The following CCDC60 variants were observed in gnomAD, a reference collection of about 807,000 sequenced individuals.
CCDC60 encodes the protein coiled-coil domain-containing protein 60.
CCDC60 carries 54 observed loss-of-function variants against 63.5 expected under a neutral mutation model. The ratio of observed to expected loss-of-function variants is 0.85; its 90% confidence interval spans 0.68 to 1.07. The LOEUF (loss-of-function observed/expected upper bound fraction) is 1.07, where lower values mean the gene tolerates loss of function less well. Ranked by LOEUF, CCDC60 falls within the 50% of genes least tolerant of loss-of-function variation. The pLI, the probability that CCDC60 is intolerant of heterozygous loss-of-function variation, is 0.00. For synonymous variants in CCDC60, 206 were observed against 238.8 expected, an observed-to-expected ratio of 0.86 and a Z score of 1.27; for missense variants, 651 against 684.3, an observed-to-expected ratio of 0.95 and a Z score of 0.54.
In CCDC60 at chr12:119,485,399, T is replaced by C. The variant is rs567692888; in HGVS notation, c.450-3360T>C. ...GCGGACGGGGCCTCATGTGTGTCAG[T>C]GGATTAGTTTGCTGGGGCTGCCATA... On this transcript the variant is annotated intron_variant, in intron 4 of 13. Transcript: ENST00000327554. 2.0e-5 allele frequency among the ~76,000 whole-genome samples: 3 copies of C among 152,296 alleles called. No individual in the cohort carries two copies. The East Asian group carries it at 5.8e-4, about 29-fold the overall frequency.
Position 119,461,917 on chromosome 12 carries a change from C to T in CCDC60, c.171-10077C>T, listed in dbSNP as rs182829612. ...TATTAAGCGTTTTTAAATGGGCCTCCGCGGTATCAAGGGAGCACTTCCCAA... is the reference window on the plus strand; with the variant it reads ...TATTAAGCGTTTTTAAATGGGCCTCTGCGGTATCAAGGGAGCACTTCCCAA... On this transcript the variant is annotated intron_variant, in intron 2 of 13. Transcript: ENST00000327554. Among the ~76,000 whole-genome samples, 44 of 152,288 alleles carry T rather than the reference C, an allele frequency of 2.9e-4. No individual in the cohort carries two copies. In the South Asian group the frequency reaches 5.0e-3, roughly 17 times the overall value.
intron 1 of CCDC60, among the ~76,000 whole-genome samples, chr12:119,396,751 T>G (rs1008180170): frequency 6.6e-6 from 1 of 152,164 alleles, no homozygotes; most frequent in African/African-American, 2.4e-5. Flanking sequence ...GTGTCTGGTG[T>G]GTGCCTGTGG....
chr12:119,512,564 G>T (rs1470786890), intron 7 of CCDC60, among the ~76,000 whole-genome samples: 1 of 152,226 alleles, frequency 6.6e-6, no homozygotes, highest in Non-Finnish European at 1.5e-5. Context: ...GCAATGGATG[G>T]AGATGGGAAG....
chr12:119,530,805 G>C (rs1952820004), intron 12 of CCDC60, 69 bp from the exon 13 acceptor site: 1 of 1,338,254 alleles, frequency 7.5e-7, no homozygotes, highest in Non-Finnish European at 1.0e-6. Flanking sequence ...AGAAAGTGGA[G>C]ATGGATGGCC....
At chr12:119,417,498 T>C (rs1313674393) in intron 1 of CCDC60, among the ~76,000 whole-genome samples, 1 of 152,174 alleles carries the variant, frequency 6.6e-6, no homozygotes, top group Non-Finnish European at 1.5e-5. Flanking sequence ...CAGGCAGGCA[T>C]ACAATCCTCC....
At chr12:119,346,832 C>CTTTCTTTCTTTCTTTCTTTCTTTCT (rs1555230529) in intron 1 of CCDC60, among the ~76,000 whole-genome samples, 8 of 91,110 alleles carry the variant, frequency 8.8e-5, no homozygotes, top group South Asian at 3.9e-4. Flanking sequence ...TTCTTTCTTT[C>CTTTCTTTCTTTCTTTCTTTCTTTCT]TTTTTTTTTT....
chr12:119,507,903 C>T (rs1432074339), intron 7 of CCDC60, among the ~76,000 whole-genome samples: 4 of 152,000 alleles, frequency 2.6e-5, no homozygotes, highest in African/African-American at 4.8e-5. Context: ...TACAGTGGCT[C>T]ATGTCTGTCA....
chr12:119,371,301 C>A (rs1592998074), intron 1 of CCDC60, among the ~76,000 whole-genome samples: 1 of 152,140 alleles, frequency 6.6e-6, no homozygotes, highest in Admixed American at 6.5e-5. Context: ...CAAGTGGTAC[C>A]CATGTTCAAT....
At chr12:119,409,059 A>C (rs539965522) in intron 1 of CCDC60, among the ~76,000 whole-genome samples, 1 of 152,302 alleles carries the variant, frequency 6.6e-6, no homozygotes, top group East Asian at 1.9e-4. Context: ...TACTAGGTTC[A>C]GCCCAACCTC....
chr12:119,473,975 G>A lies in CCDC60; in HGVS notation c.341+1811G>A, dbSNP rs542224564. 2.6e-5 allele frequency among the ~76,000 whole-genome samples: 4 copies of A among 152,256 alleles called. No homozygotes were observed. The South Asian group carries it at 8.3e-4, about 32-fold the overall frequency. On this transcript the variant is annotated intron_variant, in intron 3 of 13. Transcript: ENST00000327554. The stretch of plus-strand genomic sequence containing the variant: ...CAGACAATGACTTCTTTTCCTCTGA[G>A]TAGATACTGAGTAGTGGGATTGCTG...
chr12:119,472,275 C>T, intron 3 of CCDC60, 111 bp downstream of exon 3: 1 of 970,412 alleles, frequency 1.0e-6, no homozygotes, highest in East Asian at 2.4e-5. Flanking sequence ...CGTGCCCCTT[C>T]TCAGCCTGGC....
intron 2 of CCDC60, among the ~76,000 whole-genome samples, chr12:119,463,404 T>C (rs529275965): frequency 3.2e-4 from 48 of 152,356 alleles, no homozygotes; most frequent in African/African-American, 1.1e-3. Context: ...ACAGCTGAGC[T>C]CTACAGTGAA....
chr12:119,521,185 A>C (rs1249247930), intron 9 of CCDC60, among the ~76,000 whole-genome samples: 1 of 152,232 alleles, frequency 6.6e-6, no homozygotes, highest in Non-Finnish European at 1.5e-5. Context: ...ATTTTGGATT[A>C]GTGTTGAGTA....
intron 4 of CCDC60, among the ~76,000 whole-genome samples, chr12:119,483,727 G>A (rs1951376955): frequency 6.6e-6 from 1 of 152,204 alleles, no homozygotes; most frequent in African/African-American, 2.4e-5. Flanking sequence ...CAGGTGTGCT[G>A]ACTGCTGGCA....
At chr12:119,480,036 A>G (rs916888884) in intron 4 of CCDC60, among the ~76,000 whole-genome samples, 2 of 149,442 alleles carry the variant, frequency 1.3e-5, no homozygotes, top group African/African-American at 5.0e-5. Flanking sequence ...ACACACACAC[A>G]CACACACACT....
intron 6 of CCDC60, among the ~76,000 whole-genome samples, chr12:119,502,586 A>G (rs910708374): frequency 1.3e-5 from 2 of 152,188 alleles, no homozygotes; most frequent in Non-Finnish European, 2.9e-5. Context: ...AATTAATCAC[A>G]AGTGTCAGCC....
chr12:119,403,296 T>C (rs1396927251), intron 1 of CCDC60, among the ~76,000 whole-genome samples: 2 of 152,096 alleles, frequency 1.3e-5, no homozygotes, highest in Non-Finnish European at 2.9e-5. Flanking sequence ...TGGGCCTGCA[T>C]CCCGTGTTCA....
chr12:119,416,306 G>C (rs1462337670), intron 1 of CCDC60, among the ~76,000 whole-genome samples: 1 of 150,678 alleles, frequency 6.6e-6, no homozygotes, highest in Non-Finnish European at 1.5e-5. Context: ...TTGAACCCAG[G>C]AGGCAGAGGT....
At chr12:119,445,447 A>AAAAAAAAAATAAAAAAAAAAAAAT (rs1427103920) in intron 2 of CCDC60, among the ~76,000 whole-genome samples, 1 of 148,722 alleles carries the variant, frequency 6.7e-6, no homozygotes, top group South Asian at 2.2e-4. Context: ...AAAAAAAAAA[A>AAAAAAAAAATAAAAAAAAAAAAAT]AAAAAAAAAG....
Sources: gnomAD v4.1 joint callset for allele counts (sites outside exome capture counted in the v4.1 genomes callset) on GRCh38, gnomAD v4.1.1 for gene constraint, MANE v1.5 for transcripts, NCBI Gene and HGNC (gene_info 2026-07-23, HGNC 2026-07-21) for gene names.